The following DHRSX variants were observed in gnomAD, a reference collection of about 807,000 sequenced individuals.
The protein encoded by DHRSX is dehydrogenase/reductase X-linked.
In DHRSX, 31 loss-of-function variants were observed where a neutral mutation model predicts 34.0. The ratio of observed to expected loss-of-function variants is 0.91; its 90% CI spans 0.69 to 1.23. The LOEUF (loss-of-function observed/expected upper bound fraction) is 1.23, where lower values mean the gene tolerates loss of function less well. DHRSX is among the 50% of genes most tolerant of loss of function. DHRSX has a pLI of 0.00. For synonymous variants in DHRSX, 201 were observed against 183.8 expected, an observed-to-expected ratio of 1.09 and a Z score of -0.76; for missense variants, 414 against 428.1, an observed-to-expected ratio of 0.97 and a Z score of 0.29.
rs1379119469 is a variant in DHRSX at position 2,486,012 on chromosome X, G to A, written c.109+14805C>T. 2.6e-5 allele frequency among the ~76,000 whole-genome samples: 4 copies of A among 151,780 alleles called. No individual in the cohort carries two copies. In the East Asian group the frequency reaches 7.8e-4, roughly 29 times the overall value. On this transcript the variant is annotated intron_variant, in intron 1 of 6. Transcript: ENST00000334651. ...GAAGGAAGAGACCATGTGAGAGGAGGTGAGGAAGACAGGAAGAGAGGGGTG... is the reference window on the plus strand; with the variant it reads ...GAAGGAAGAGACCATGTGAGAGGAGATGAGGAAGACAGGAAGAGAGGGGTG...
intron 5 of DHRSX, among the ~76,000 whole-genome samples, chrX:2,265,439 T>C (rs1457311129): frequency 1.2e-4 from 10 of 84,418 alleles, no homozygotes; most frequent in African/African-American, 1.8e-4. Flanking sequence ...AGCACCAGTG[T>C]CCAGCAGACG....
At chrX:2,408,553 T>C (rs777047549) in intron 3 of DHRSX, among the ~76,000 whole-genome samples, 192 bp downstream of exon 3, 3 of 152,232 alleles carry the variant, frequency 2.0e-5, no homozygotes, top group Admixed American at 2.0e-4. Flanking sequence ...AGTGATGCTA[T>C]CTTCGCCTTG....
intron 3 of DHRSX, among the ~76,000 whole-genome samples, chrX:2,311,626 C>G (rs2042166472): frequency 6.6e-6 from 1 of 152,112 alleles, no homozygotes. Flanking sequence ...GAAAGGCTTT[C>G]GAAGACAAGG....
chrX:2,299,857 A>C (rs1026030998), intron 3 of DHRSX, among the ~76,000 whole-genome samples: 3 of 106,980 alleles, frequency 2.8e-5, no homozygotes, highest in African/African-American at 8.1e-5. Flanking sequence ...TATGTCTCAA[A>C]AAAAAAAAAA....
intron 4 of DHRSX, among the ~76,000 whole-genome samples, chrX:2,274,244 G>A (rs918536671): frequency 6.6e-6 from 1 of 151,726 alleles, no homozygotes; most frequent in African/African-American, 2.4e-5. Flanking sequence ...CACCATGTTG[G>A]CCAGGCTGCT....
At chrX:2,295,137 C>T (rs752192103) in intron 3 of DHRSX, among the ~76,000 whole-genome samples, 58 of 152,198 alleles carry the variant, frequency 3.8e-4, no homozygotes, top group African/African-American at 1.3e-3. Context: ...ACGTTTATTG[C>T]GGAACTATTA....
intron 1 of DHRSX, among the ~76,000 whole-genome samples, chrX:2,498,751 C>A (rs4892935): frequency 3.3e-5 from 5 of 151,984 alleles, no homozygotes; most frequent in Admixed American, 6.6e-5. Flanking sequence ...CACACAGGCC[C>A]TTAAGGAGGT....
intron 3 of DHRSX, among the ~76,000 whole-genome samples, chrX:2,394,603 C>T (rs1171237166): frequency 2.0e-5 from 3 of 152,034 alleles, no homozygotes; most frequent in Non-Finnish European, 4.4e-5. Context: ...CACAGTGGCT[C>T]ACGCCTGTAA....
At chrX:2,250,091 G>A (rs1186815661) in intron 5 of DHRSX, among the ~76,000 whole-genome samples, 1 of 150,950 alleles carries the variant, frequency 6.6e-6, no homozygotes, top group Non-Finnish European at 1.5e-5. Flanking sequence ...GAACCCGGGA[G>A]GTGAAGATTG....
At chrX:2,263,573 G>A (rs1459308635) in intron 5 of DHRSX, among the ~76,000 whole-genome samples, 2 of 150,688 alleles carry the variant, frequency 1.3e-5, no homozygotes, top group African/African-American at 4.9e-5. Flanking sequence ...GAGTGCAGTG[G>A]CGTGATCTTG....
At chrX:2,421,470 G>A (rs2043778723) in intron 2 of DHRSX, among the ~76,000 whole-genome samples, 1 of 152,198 alleles carries the variant, frequency 6.6e-6, no homozygotes, top group African/African-American at 2.4e-5. Context: ...TCAAACTTAA[G>A]TGAAGGACGG....
At chrX:2,375,825 G>A (rs1382301527) in intron 3 of DHRSX, among the ~76,000 whole-genome samples, 1 of 136,354 alleles carries the variant, frequency 7.3e-6, no homozygotes, top group African/African-American at 2.5e-5. Context: ...TAGAGACGGG[G>A]TTTCACCATG....
intron 5 of DHRSX, among the ~76,000 whole-genome samples, chrX:2,255,246 C>T (rs1180803450): frequency 6.6e-6 from 1 of 152,182 alleles, no homozygotes; most frequent in Non-Finnish European, 1.5e-5. Context: ...CAACACAGGA[C>T]ATTGCAGGTA....
intron 3 of DHRSX, among the ~76,000 whole-genome samples, chrX:2,319,512 C>T (rs1427832587): frequency 7.4e-6 from 1 of 134,622 alleles, no homozygotes; most frequent in African/African-American, 2.9e-5. Flanking sequence ...CACTGCACTC[C>T]AGCCTCGGTG....
At chrX:2,430,072 A>C (rs1232935106) in intron 1 of DHRSX, among the ~76,000 whole-genome samples, 2 of 151,914 alleles carry the variant, frequency 1.3e-5, no homozygotes, top group Non-Finnish European at 1.5e-5. Context: ...AGTGTGCAAA[A>C]CCTATATCAG....
intron 2 of DHRSX, among the ~76,000 whole-genome samples, chrX:2,419,356 C>T (rs980856540): frequency 2.6e-5 from 4 of 152,110 alleles, no homozygotes; most frequent in African/African-American, 7.2e-5. Context: ...GACTTCCAGC[C>T]TTGAGAACTG....
intron 3 of DHRSX, among the ~76,000 whole-genome samples, chrX:2,358,905 C>T (rs1239101135): frequency 2.7e-5 from 4 of 150,326 alleles, no homozygotes; most frequent in East Asian, 2.0e-4. Context: ...GCCGAGATCG[C>T]GCCACCGCAC....
intron 3 of DHRSX, among the ~76,000 whole-genome samples, chrX:2,365,381 C>T (rs1362412423): frequency 2.6e-5 from 4 of 152,094 alleles, no homozygotes; most frequent in Admixed American, 6.6e-5. Context: ...CACAAATGAT[C>T]CACCCATCTC....
Position 2,220,166 on chromosome X carries a change from G to A in DHRSX, c.*875C>T, listed in dbSNP as rs2015491301. The A allele has an allele frequency of 6.6e-6, 1 of 152,480 alleles. No individual in the cohort carries two copies. The highest frequency in any genetic ancestry group is 2.4e-5 in the African/African-American group (1 of 41,422). 9.4% of individuals were successfully genotyped at this position (152,480 alleles called of 1,614,324 possible). A position where few individuals can be genotyped will look rare whatever the true frequency, so the allele number is the denominator to read the frequency against. ...CCTGTCCCAGCTCCTGGTGGCTCCA[G>A]GCATTGCTTGGCTTGTGGTGGCATC... On this transcript the variant is annotated 3_prime_UTR_variant, in exon 7 of 7. Transcript: ENST00000334651.
Sources: gnomAD v4.1 joint callset for allele counts (sites outside exome capture counted in the v4.1 genomes callset) on GRCh38, gnomAD v4.1.1 for gene constraint, MANE v1.5 for transcripts, NCBI Gene and HGNC (gene_info 2026-07-23, HGNC 2026-07-21) for gene names.